Variants in HORMAD1 observed in about 807,000 individuals in gnomAD.
HORMAD1 encodes the protein HORMA domain containing 1, also known as HORMA domain-containing protein 1.
HORMAD1 carries 33 observed loss-of-function variants against 58.2 expected under a neutral mutation model. The ratio of observed to expected loss-of-function variants is 0.57; its 90% CI spans 0.43 to 0.76. HORMAD1 has a LOEUF of 0.76. HORMAD1 is among the 30% of genes least tolerant of loss of function. The probability of loss-of-function intolerance (pLI) is 0.00; values close to 1 mark genes in which losing one functional copy is unlikely to be tolerated. For synonymous variants in HORMAD1, 137 were observed against 144.6 expected (o/e 0.95, Z 0.38); for missense variants, 363 against 462.0 (o/e 0.79, Z 1.96).
chr1:150,717,433 G>A (rs587701146), intron 2 of HORMAD1, 151 bp from the exon 3 acceptor site: 62 of 423,340 alleles, frequency 1.5e-4, no homozygotes, highest in South Asian at 7.5e-4. Flanking sequence ...AAGTCAGAGC[G>A]GCATGTAAAA....
Position 150,698,394 on chromosome 1 carries a change from G to A in HORMAD1, c.*260C>T, listed in dbSNP as rs1651434025. 1 of 246,292 alleles carries A rather than the reference G, an allele frequency of 4.1e-6. No individual in the cohort carries two copies. The highest frequency in any genetic ancestry group is 7.7e-6 in the Non-Finnish European group (1 of 130,130). The allele number at this position is 246,292 out of a possible 1,614,324, so 15.3% of individuals were successfully genotyped here. ...TATATTTAAAGGAAATATTAAGTAG[G>A]TAATGAACAAAATCAATTTTGAAAT... is the stretch of plus-strand genomic sequence containing the variant. On this transcript the variant is annotated 3_prime_UTR_variant, in exon 15 of 15. Transcript: ENST00000361824.
intron 5 of HORMAD1, among the ~76,000 whole-genome samples, chr1:150,713,355 A>T (rs1651959237): frequency 6.6e-6 from 1 of 152,156 alleles, no homozygotes; most frequent in Admixed American, 6.6e-5. Context: ...GAGATGCCTA[A>T]CACATAACGG....
rs1025201727 is a variant in HORMAD1, at chr1:150,703,984, A to C, written c.948+134T>G. On this transcript the variant is annotated intron_variant, in intron 12 of 14. Transcript: ENST00000361824. Reference sequence around the variant, plus strand: ...CAACATATAATTTCCAGATTTAGTTAATAACAAGCATTCTAAATATTGAAT... The same window carrying C: ...CAACATATAATTTCCAGATTTAGTTCATAACAAGCATTCTAAATATTGAAT... 4 of 597,664 alleles carry C rather than the reference A, an allele frequency of 6.7e-6. No individual in the cohort carries two copies. The African/African-American group carries it at 7.8e-5, about 12-fold the overall frequency. The allele number at this position is 597,664 out of a possible 1,614,324, so 37.0% of individuals were successfully genotyped here.
chr1:150,710,398 T>C (rs148441502), intron 7 of HORMAD1, among the ~76,000 whole-genome samples: 176 of 152,326 alleles, frequency 1.2e-3, no homozygotes, highest in African/African-American at 4.0e-3. Flanking sequence ...ACATATCTCA[T>C]TGATAGTTGT....
intron 9 of HORMAD1, 73 bp from the exon 10 acceptor site, chr1:150,706,882 C>T (rs11586422): frequency 0.4 from 502,444 of 1,245,058 alleles, 103,591 homozygotes; most frequent in South Asian, 0.54. Flanking sequence ...TAAAAACACA[C>T]GCAGATTGCA....
chr1:150,704,986 G>A (rs72702552), intron 10 of HORMAD1, among the ~76,000 whole-genome samples: 58,407 of 151,574 alleles, frequency 0.39, 11,555 homozygotes, highest in South Asian at 0.55. Flanking sequence ...AGAGGTTGCA[G>A]TGAACCAAGA....
chr1:150,699,122 C>T (rs587704344), intron 14 of HORMAD1, among the ~76,000 whole-genome samples: 89 of 152,258 alleles, frequency 5.8e-4, no homozygotes, highest in African/African-American at 2.1e-3. Flanking sequence ...TGCTTTTGTA[C>T]TCTTGAGACG....
chr1:150,709,900 T>G (rs587673335), intron 7 of HORMAD1, among the ~76,000 whole-genome samples: 442 of 152,310 alleles, frequency 2.9e-3, no homozygotes, highest in South Asian at 8.5e-3. Context: ...GTACGTCCAG[T>G]CATAGTACCT....
intron 2 of HORMAD1, among the ~76,000 whole-genome samples, chr1:150,718,205 C>T (rs1652146418): frequency 6.6e-6 from 1 of 152,094 alleles, no homozygotes; most frequent in African/African-American, 2.4e-5. Context: ...GCAATCACTC[C>T]CTGTCCCTTA....
chr1:150,706,258 T>C (rs1651688371), intron 10 of HORMAD1, among the ~76,000 whole-genome samples: 1 of 152,194 alleles, frequency 6.6e-6, no homozygotes. Flanking sequence ...CCTAGAGTCC[T>C]AGGGGTTTCC....
intron 4 of HORMAD1, 40 bp from the exon 5 acceptor site, chr1:150,714,161 A>G (rs771196464): frequency 7.6e-6 from 9 of 1,180,946 alleles, no homozygotes; most frequent in Non-Finnish European, 1.1e-5. Context: ...GACTGAATGC[A>G]TTTCCAGAAA....
In HORMAD1 at chr1:150,708,927, T is replaced by C. The variant is rs1651776537; in HGVS notation, c.362A>G (p.Tyr121Cys). The C allele has an allele frequency of 6.6e-7, 1 of 1,517,778 alleles. No homozygotes were observed. The highest frequency in any genetic ancestry group is 9.2e-7 in the Non-Finnish European group (1 of 1,092,616). 94.0% of individuals were successfully genotyped at this position (1,517,778 alleles called of 1,614,324 possible). The change falls in exon 8 of 15, where the codon TAC becomes TGC. Residue 121 changes from tyrosine to cysteine, a missense_variant. By Grantham distance (194) the Tyr-to-Cys change is radical. Around this residue, in one of 3 missense-constraint regions of HORMAD1, gnomAD observed 128 missense variants for 171.8 expected, o/e 0.74. Transcript: ENST00000361824. ...GTCCATGAGTGGTCCATTATTGGTG[T>C]ATTTGAATTTGAATTGGTAACATTC... ...ISECYQFKFKYTNNGPLMDFI... is the reference protein window; with the variant it reads ...ISECYQFKFKCTNNGPLMDFI...
intron 7 of HORMAD1, among the ~76,000 whole-genome samples, chr1:150,710,834 T>C (rs587635314): frequency 6.6e-6 from 1 of 152,350 alleles, no homozygotes; most frequent in African/African-American, 2.4e-5. Context: ...CGTTATATTG[T>C]AACAGCTATA....
chr1:150,711,724 G>A (rs1314097611), intron 6 of HORMAD1, 109 bp downstream of exon 6: 2 of 940,712 alleles, frequency 2.1e-6, no homozygotes, highest in Admixed American at 2.0e-5. Flanking sequence ...GAATAGATCA[G>A]TTATTTGAAT....
intron 1 of HORMAD1, among the ~76,000 whole-genome samples, chr1:150,719,779 G>T (rs746378198): frequency 1.3e-5 from 2 of 152,134 alleles, no homozygotes; most frequent in East Asian, 3.8e-4. Flanking sequence ...CTGTTTAAGA[G>T]AACTTTTTAA....
intron 2 of HORMAD1, among the ~76,000 whole-genome samples, 200 bp from the exon 3 acceptor site, chr1:150,717,482 T>C (rs898577850): frequency 6.6e-6 from 1 of 151,474 alleles, no homozygotes; most frequent in African/African-American, 2.4e-5. Flanking sequence ...AAAGGACATA[T>C]GCAAAAAGTA....
chr1:150,701,131 T>A (rs1481510010), intron 13 of HORMAD1, among the ~76,000 whole-genome samples: 1 of 152,138 alleles, frequency 6.6e-6, no homozygotes, highest in Non-Finnish European at 1.5e-5. Context: ...AGAGTTCATA[T>A]CCAAAAACAT....
At chr1:150,708,182 G>T in intron 9 of HORMAD1, 74 bp downstream of exon 9, 1 of 1,176,294 alleles carries the variant, frequency 8.5e-7, no homozygotes, top group Non-Finnish European at 1.2e-6. Flanking sequence ...AAAAATATTT[G>T]GAATGGAAAC....
At chr1:150,707,611 T>G (rs1377350041) in intron 9 of HORMAD1, among the ~76,000 whole-genome samples, 1 of 152,242 alleles carries the variant, frequency 6.6e-6, no homozygotes, top group Non-Finnish European at 1.5e-5. Flanking sequence ...CTAAAAATGT[T>G]GCACCTGTTT....
Sources: allele counts gnomAD v4.1 joint callset (sites outside exome capture counted in the v4.1 genomes callset), GRCh38; gene constraint gnomAD v4.1.1; regional missense constraint gnomAD v4.1.1; transcripts MANE v1.5; gene names NCBI Gene and HGNC (gene_info 2026-07-23, HGNC 2026-07-21).